The following NUP98 variants were observed in gnomAD, a reference collection of about 807,000 sequenced individuals.
NUP98 encodes the protein nuclear pore complex protein Nup98-Nup96.
NUP98 carries 26 observed loss-of-function variants against 191.9 expected under a neutral mutation model. The ratio of observed to expected loss-of-function variants is 0.14; its 90% CI spans 0.10 to 0.19. The LOEUF is 0.19. NUP98 is among the 10% of genes least tolerant of loss of function. The pLI is 1.00. For missense variants in NUP98, 1,941 were observed against 2,178.8 expected (o/e 0.89, Z 2.17); for synonymous variants, 808 against 778.4 (o/e 1.04, Z -0.63).
chr11:3,756,760 T>C (rs772806884), intron 10 of NUP98, among the ~76,000 whole-genome samples: 2 of 152,068 alleles, frequency 1.3e-5, no homozygotes, highest in Non-Finnish European at 2.9e-5. Context: ...TATATCTTAA[T>C]ATACATCACA....
chr11:3,736,357 T>C (rs980629300), intron 12 of NUP98, among the ~76,000 whole-genome samples: 1 of 152,196 alleles, frequency 6.6e-6, no homozygotes, highest in Non-Finnish European at 1.5e-5. Flanking sequence ...ACGTGTCCAA[T>C]ATTAAGTTAA....
At chr11:3,796,113 G>C (rs781303828) in intron 1 of NUP98, among the ~76,000 whole-genome samples, 1 of 152,094 alleles carries the variant, frequency 6.6e-6, no homozygotes, top group Non-Finnish European at 1.5e-5. Context: ...TTTCGAATTT[G>C]TAAGACCGTC....
At chr11:3,783,933 C>A (rs182517845) in intron 1 of NUP98, among the ~76,000 whole-genome samples, 29 of 152,244 alleles carry the variant, frequency 1.9e-4, no homozygotes, top group African/African-American at 6.7e-4. Context: ...ATAGTTTACT[C>A]AGAGCTTTCC....
At chr11:3,796,607 T>C (rs533288339) in intron 1 of NUP98, among the ~76,000 whole-genome samples, 2 of 152,184 alleles carry the variant, frequency 1.3e-5, no homozygotes, top group African/African-American at 2.4e-5. Context: ...CTACCTAATG[T>C]CCATGCCGCA....
At chr11:3,699,505 A>G (rs2078613029) in intron 24 of NUP98, among the ~76,000 whole-genome samples, 157 bp from the exon 25 acceptor site, 1 of 152,198 alleles carries the variant, frequency 6.6e-6, no homozygotes, top group South Asian at 2.1e-4. Flanking sequence ...TACCTCACTC[A>G]ACTTCGTCTT....
intron 1 of NUP98, among the ~76,000 whole-genome samples, chr11:3,790,015 C>T (rs902392809): frequency 6.6e-6 from 1 of 152,166 alleles, no homozygotes; most frequent in Non-Finnish European, 1.5e-5. Flanking sequence ...GATCTTCCGA[C>T]CTCGTGATCC....
intron 7 of NUP98, among the ~76,000 whole-genome samples, chr11:3,769,697 C>T (rs763187357): frequency 3.3e-5 from 5 of 151,652 alleles, no homozygotes; most frequent in African/African-American, 7.3e-5. Context: ...CACCTGAGAT[C>T]AGGAGTTCGA....
intron 16 of NUP98, among the ~76,000 whole-genome samples, chr11:3,721,219 A>G (rs1295155016): frequency 6.6e-6 from 1 of 152,168 alleles, no homozygotes; most frequent in Non-Finnish European, 1.5e-5. Context: ...TCAGCTTTTT[A>G]TTTTATTTTA....
At chr11:3,725,044 T>C (rs569599898) in intron 15 of NUP98, 59 bp downstream of exon 15, 2 of 736,024 alleles carry the variant, frequency 2.7e-6, no homozygotes, top group South Asian at 3.6e-5. Flanking sequence ...CCTAAGAATG[T>C]CTTAAAAATG....
At chr11:3,728,604 T>C (rs1222069058) in intron 14 of NUP98, among the ~76,000 whole-genome samples, 1 of 151,828 alleles carries the variant, frequency 6.6e-6, no homozygotes, top group Non-Finnish European at 1.5e-5. Context: ...CTGGGCGTGG[T>C]GGTGGGCGCC....
chr11:3,778,109 G>GT (rs1564918882), intron 4 of NUP98, among the ~76,000 whole-genome samples: 5 of 143,668 alleles, frequency 3.5e-5, no homozygotes. Flanking sequence ...TGAGGCAGGA[G>GT]AATGGCATGA....
rs1193237455 is a variant in NUP98, at chr11:3,702,859, C to T, written c.3116G>A (p.Gly1039Glu). The T allele has an allele frequency of 6.2e-7, 1 of 1,612,448 alleles. No homozygotes were observed. Among genetic ancestry groups the T allele is most frequent in the Non-Finnish European group, 8.5e-7 (1 of 1,179,020 alleles). ...AGAGACACTTGGTGAAAGAAAAGCT[C>T]CACTTGTAAATTTTGATTGTAGTAA... ...GGLLQSKFTSGAFLSPSVSVQ... is the reference protein window; with the variant it reads ...GGLLQSKFTSEAFLSPSVSVQ... The change falls in exon 23 of 33, where the codon GGA becomes GAA. Residue 1039 changes from glycine (G) to glutamate (E), a missense_variant. Gly to Glu is a moderately conservative substitution (Grantham distance 98). Transcript: ENST00000324932.
chr11:3,692,589 CA>C (rs1437319168), intron 27 of NUP98, among the ~76,000 whole-genome samples: 1 of 148,566 alleles, frequency 6.7e-6, no homozygotes, highest in African/African-American at 2.5e-5. Context: ...AGCGAGACTC[CA>C]TCTCAAAAAA....
At chr11:3,737,204 C>T (rs1470264133) in intron 12 of NUP98, among the ~76,000 whole-genome samples, 1 of 149,008 alleles carries the variant, frequency 6.7e-6, no homozygotes, top group African/African-American at 2.5e-5. Flanking sequence ...TAAACATTTA[C>T]AAATAAAGTT....
At chr11:3,730,833 C>A (rs2134278160) in intron 14 of NUP98, among the ~76,000 whole-genome samples, 1 of 151,106 alleles carries the variant, frequency 6.6e-6, no homozygotes, top group South Asian at 2.1e-4. Context: ...CCTAATTATT[C>A]AAAAACAAAA....
intron 5 of NUP98, 138 bp downstream of exon 5, chr11:3,775,744 T>C (rs1177454633): frequency 8.6e-6 from 6 of 697,114 alleles, no homozygotes; most frequent in Non-Finnish European, 1.5e-5. Context: ...TATACAACTA[T>C]TTATAGATTT....
chr11:3,728,193 G>A (rs1157616110), intron 14 of NUP98, among the ~76,000 whole-genome samples: 1 of 152,176 alleles, frequency 6.6e-6, no homozygotes, highest in Non-Finnish European at 1.5e-5. Flanking sequence ...CCTAACAGGA[G>A]CAAGGAACAG....
chr11:3,745,047 G>A (rs1245682191), intron 11 of NUP98, among the ~76,000 whole-genome samples: 2 of 152,166 alleles, frequency 1.3e-5, no homozygotes, highest in Non-Finnish European at 2.9e-5. Flanking sequence ...TTAGTAATTA[G>A]CACGATGTCA....
intron 12 of NUP98, among the ~76,000 whole-genome samples, chr11:3,743,411 C>G (rs944113906): frequency 6.7e-6 from 1 of 149,474 alleles, no homozygotes; most frequent in African/African-American, 2.4e-5. Context: ...CTTTGGGAGG[C>G]CGAGGCGGGC....
Sources: allele counts gnomAD v4.1 joint callset (sites outside exome capture counted in the v4.1 genomes callset), GRCh38; gene constraint gnomAD v4.1.1; transcripts MANE v1.5; gene names NCBI Gene and HGNC (gene_info 2026-07-23, HGNC 2026-07-21).